ABTB2: variants seen among roughly 807,000 people sequenced by gnomAD.
The protein encoded by ABTB2 is ankyrin repeat and BTB domain containing 2, also known as ankyrin repeat and BTB/POZ domain-containing protein 2.
Under a neutral mutation model 104.1 loss-of-function variants are expected in ABTB2, and 56 were observed. The observed-to-expected ratio is 0.54, with a 90% CI of 0.43 to 0.67. ABTB2 has a LOEUF of 0.67. ABTB2 is among the 30% of genes least tolerant of loss of function. The pLI is 0.00. For missense variants in ABTB2, 1,279 were observed against 1,407.7 expected (o/e 0.91, Z 1.46); for synonymous variants, 606 against 608.2 (o/e 1.00, Z 0.05).
At chr11:34,173,653 C>A (rs1232306377) in intron 3 of ABTB2, among the ~76,000 whole-genome samples, 1 of 152,126 alleles carries the variant, frequency 6.6e-6, no homozygotes, top group Non-Finnish European at 1.5e-5. Context: ...CTCAGGTGGC[C>A]CAGGGAAGGA....
At chr11:34,289,177 C>T (rs1210356695) in intron 1 of ABTB2, among the ~76,000 whole-genome samples, 1 of 152,220 alleles carries the variant, frequency 6.6e-6, no homozygotes, top group Non-Finnish European at 1.5e-5. Context: ...AATTCTCAAA[C>T]ATCTGAGTTC....
intron 1 of ABTB2, among the ~76,000 whole-genome samples, chr11:34,279,458 T>C (rs1290087609): frequency 6.6e-6 from 1 of 152,132 alleles, no homozygotes; most frequent in Non-Finnish European, 1.5e-5. Context: ...TTTATTCCAT[T>C]ATACAGATGA....
intron 1 of ABTB2, among the ~76,000 whole-genome samples, chr11:34,285,423 C>A (rs1384117267): frequency 7.9e-5 from 12 of 152,156 alleles, no homozygotes; most frequent in Admixed American, 3.3e-4. Context: ...TCCTTGCCAA[C>A]GGAAAACAGG....
At position 34,357,870 on chromosome 11, in the gene ABTB2, A is replaced by G; in HGVS notation, c.-287T>C. On this transcript the variant is annotated 5_prime_UTR_variant, in exon 1 of 17. Transcript: ENST00000435224. ...CCCTTGTCCACCTCTAATTCCCACA[A>G]GCAGAGAGTCAGTCCTCCACAGAGA... 2.6e-6 allele frequency: 1 copy of G among 379,882 alleles called. No homozygotes were observed. Among genetic ancestry groups the G allele is most frequent in the South Asian group, 5.5e-5 (1 of 18,288 alleles). 23.5% of individuals were successfully genotyped at this position (379,882 alleles called of 1,614,324 possible).
At chr11:34,203,356 T>C (rs935416136) in intron 2 of ABTB2, among the ~76,000 whole-genome samples, 2 of 152,190 alleles carry the variant, frequency 1.3e-5, no homozygotes, top group Admixed American at 1.3e-4. Context: ...AATGTTCAAG[T>C]GTAAAGTAAA....
rs747464313 is a variant in ABTB2 at position 34,197,423 on chromosome 11, G to T, written c.1146C>A (p.Asp382Glu). The T allele has an allele frequency of 6.2e-7, 1 of 1,608,318 alleles. No individual in the cohort carries two copies. The highest frequency in any genetic ancestry group is 8.5e-7 in the Non-Finnish European group (1 of 1,176,052). ...QPPQPITWSPDALHTLYYFLR... is the reference protein window; with the variant it reads ...QPPQPITWSPEALHTLYYFLR... ...GAAAGTAGTAGAGCGTGTGGAGGGC[G>T]TCGGGGGACCAAGTGATGGGCTGTG... The change falls in exon 3 of 17, where the codon GAC becomes GAA. Residue 382 changes from aspartate (D) to glutamate (E), a missense_variant. By Grantham distance (45) the Asp-to-Glu change is conservative. Coordinates refer to ENST00000435224, the MANE Select transcript of ABTB2 (RefSeq NM_145804.3).
chr11:34,173,533 G>C (rs1306231065), intron 3 of ABTB2, among the ~76,000 whole-genome samples: 1 of 152,156 alleles, frequency 6.6e-6, no homozygotes, highest in African/African-American at 2.4e-5. Flanking sequence ...TGGCAACCAA[G>C]GCTGATCACC....
chr11:34,181,192 C>T (rs1169818834), intron 3 of ABTB2, among the ~76,000 whole-genome samples: 2 of 152,090 alleles, frequency 1.3e-5, no homozygotes, highest in Admixed American at 6.5e-5. Context: ...CGTGAGCCAC[C>T]ATGCCCAGCC....
intron 1 of ABTB2, among the ~76,000 whole-genome samples, chr11:34,305,564 AG>A (rs1854762424): frequency 6.6e-6 from 1 of 152,220 alleles, no homozygotes; most frequent in African/African-American, 2.4e-5. Context: ...GGAGCTTGAC[AG>A]GAAATGTGTG....
chr11:34,192,789 C>T (rs944355490), intron 3 of ABTB2, among the ~76,000 whole-genome samples: 4 of 152,164 alleles, frequency 2.6e-5, no homozygotes, highest in African/African-American at 9.7e-5. Context: ...GCCTGGGGGA[C>T]CCCAAACCCT....
intron 1 of ABTB2, among the ~76,000 whole-genome samples, chr11:34,328,853 C>T (rs1044094848): frequency 4.6e-5 from 7 of 152,162 alleles, no homozygotes; most frequent in African/African-American, 1.7e-4. Flanking sequence ...ATGGTCACAC[C>T]TTCTATTTGC....
chr11:34,320,421 AT>A (rs1434652484), intron 1 of ABTB2, among the ~76,000 whole-genome samples: 6 of 152,202 alleles, frequency 3.9e-5, no homozygotes, highest in Admixed American at 3.9e-4. Flanking sequence ...CTGGTTGATG[AT>A]TAAAACCTTA....
intron 3 of ABTB2, among the ~76,000 whole-genome samples, chr11:34,175,560 G>A (rs1852950233): frequency 6.6e-6 from 1 of 152,220 alleles, no homozygotes; most frequent in Non-Finnish European, 1.5e-5. Flanking sequence ...AAAATTGTAA[G>A]TTGCACCATC....
chr11:34,152,236 G>T lies in ABTB2; in HGVS notation c.*151C>A. 1.2e-6 allele frequency: 1 copy of T among 824,220 alleles called. No individual in the cohort carries two copies. Among genetic ancestry groups the T allele is most frequent in the Non-Finnish European group, 1.9e-6 (1 of 535,018 alleles). The allele number at this position is 824,220 out of a possible 1,614,324, so 51.1% of individuals were successfully genotyped here. ...ACAGCTCTAGGGCAGAGGAGATGAGGGTGAGCTGCCCGGTGACAGGGGGGA... is the reference window on the plus strand; with the variant it reads ...ACAGCTCTAGGGCAGAGGAGATGAGTGTGAGCTGCCCGGTGACAGGGGGGA... On this transcript the variant is annotated 3_prime_UTR_variant, in exon 17 of 17. Transcript: ENST00000435224.
rs1166559519 is a variant in ABTB2, at chr11:34,273,474, C to CT, written c.884-68785dup. Reference sequence around the variant, plus strand: ...TACAGTGGGCTGGTTCTACTCACTTCTCCACTGGACGAAGCCAGCATTTGA... The same window carrying CT: ...TACAGTGGGCTGGTTCTACTCACTTCTTCCACTGGACGAAGCCAGCATTTGA... On this transcript the variant is annotated intron_variant, in intron 1 of 16. Coordinates refer to ENST00000435224, the MANE Select transcript of ABTB2 (RefSeq NM_145804.3). Among the ~76,000 whole-genome samples, 3 of 152,172 alleles carry CT rather than the reference C, an allele frequency of 2.0e-5. No individual in the cohort carries two copies. The East Asian group carries it at 5.8e-4, about 29-fold the overall frequency.
intron 13 of ABTB2, among the ~76,000 whole-genome samples, chr11:34,159,588 A>G (rs536405780): frequency 6.6e-6 from 1 of 152,254 alleles, no homozygotes; most frequent in East Asian, 1.9e-4. Flanking sequence ...TTCTGTCCCC[A>G]CCACCCACCC....
chr11:34,161,186 C>T (rs1852716616), intron 10 of ABTB2, 105 bp from the exon 11 acceptor site: 3 of 1,230,854 alleles, frequency 2.4e-6, no homozygotes, highest in Non-Finnish European at 3.3e-6. Context: ...CCCCCGCTGT[C>T]TGCAGAGCAC....
chr11:34,159,537 C>T (rs1175712639), intron 13 of ABTB2, 151 bp from the exon 14 acceptor site: 2 of 642,818 alleles, frequency 3.1e-6, no homozygotes, highest in Non-Finnish European at 5.5e-6. Flanking sequence ...CAGCAAGTGC[C>T]ATTTTACACC....
chr11:34,336,669 C>CA (rs931911764), intron 1 of ABTB2, among the ~76,000 whole-genome samples: 6 of 151,302 alleles, frequency 4.0e-5, no homozygotes, highest in Non-Finnish European at 8.9e-5. Context: ...AACAAACAAA[C>CA]AAAAAAAAGC....
Sources: allele counts gnomAD v4.1 joint callset (sites outside exome capture counted in the v4.1 genomes callset), GRCh38; gene constraint gnomAD v4.1.1; transcripts MANE v1.5; gene names NCBI Gene and HGNC (gene_info 2026-07-23, HGNC 2026-07-21).